The following MYOF variants were observed in gnomAD, a reference collection of about 807,000 sequenced individuals.
MYOF encodes the protein myoferlin.
MYOF carries 244 observed loss-of-function variants against 284.2 expected under a neutral mutation model. The ratio of observed to expected loss-of-function variants is 0.86; its 90% CI spans 0.77 to 0.95. The LOEUF is 0.95. Among genes scored for constraint, MYOF ranks in the 40% least tolerant of loss-of-function variants. MYOF has a pLI of 0.00. For missense variants in MYOF, 2,496 were observed against 2,560.6 expected, an observed-to-expected ratio of 0.97 and a Z score of 0.54; for synonymous variants, 904 against 919.7, an observed-to-expected ratio of 0.98 and a Z score of 0.31.
At chr10:93,335,778 T>C in intron 41 of MYOF, 143 bp downstream of exon 41, 2 of 1,023,104 alleles carry the variant, frequency 2.0e-6, no homozygotes, top group Non-Finnish European at 1.4e-6. Context: ...GGTTGTCCTT[T>C]ATCCTAGGCC....
At chr10:93,415,648 A>C (rs1848085662) in intron 5 of MYOF, among the ~76,000 whole-genome samples, 1 of 152,064 alleles carries the variant, frequency 6.6e-6, no homozygotes, top group South Asian at 2.1e-4. Context: ...TCAATCATCT[A>C]CCTGTATCTG....
Position 93,469,503 on chromosome 10 carries a change from C to A in MYOF, c.89-12566G>T, listed in dbSNP as rs1200241793. Among the ~76,000 whole-genome samples, 3 of 152,312 alleles carry A rather than the reference C, an allele frequency of 2.0e-5. No individual in the cohort carries two copies. In the East Asian group the frequency reaches 5.8e-4, roughly 29 times the overall value. The stretch of plus-strand genomic sequence containing the variant: ...GGAAGCCATCATAATGTGTCCAACA[C>A]CCTAGGGCAAACAAGAGGGAATTTG... On this transcript the variant is annotated intron_variant, in intron 1 of 53. Transcript: ENST00000359263.
chr10:93,356,797 C>T lies in MYOF; in HGVS notation c.3172G>A (p.Gly1058Ser). Residue 1058 changes from glycine to serine, a missense_variant, in exon 30 of 54, where the codon GGC (glycine) becomes AGC (serine). By Grantham distance (56) the Gly-to-Ser change is moderately conservative. Transcript: ENST00000359263. ...QEGWEYASLI[G>S]WKFHWKQRSS... ...CGTTGTTTCCAGTGAAATTTCCAGCCAATTAGAGAAGCATATTCCCAGCCC... is the reference window on the plus strand; with the variant it reads ...CGTTGTTTCCAGTGAAATTTCCAGCTAATTAGAGAAGCATATTCCCAGCCC... 2 of 1,614,096 alleles carry T rather than the reference C, an allele frequency of 1.2e-6. No homozygotes were observed. The highest frequency in any genetic ancestry group is 1.7e-6 in the Non-Finnish European group (2 of 1,180,016).
chr10:93,338,005 A>G (rs1213838754), intron 39 of MYOF, 92 bp from the exon 40 acceptor site: 8 of 917,104 alleles, frequency 8.7e-6, no homozygotes, highest in Non-Finnish European at 1.4e-5. Context: ...AAGAAGAAAT[A>G]GGTTCTTCTG....
intron 38 of MYOF, among the ~76,000 whole-genome samples, chr10:93,341,310 T>C (rs1043502108): frequency 6.6e-6 from 1 of 152,032 alleles, no homozygotes; most frequent in African/African-American, 2.4e-5. Context: ...AGTTTTGCTC[T>C]TGTTGCTCAG....
intron 37 of MYOF, among the ~76,000 whole-genome samples, chr10:93,345,877 G>A (rs981672711): frequency 6.6e-6 from 1 of 152,148 alleles, no homozygotes; most frequent in Admixed American, 6.5e-5. Context: ...GCTAGCCAGG[G>A]CAGTCTGCCT....
At chr10:93,465,380 C>T (rs2056978406) in intron 1 of MYOF, among the ~76,000 whole-genome samples, 1 of 152,042 alleles carries the variant, frequency 6.6e-6, no homozygotes, top group African/African-American at 2.4e-5. Flanking sequence ...TTCATAAGTT[C>T]ATATAAGTGT....
intron 4 of MYOF, among the ~76,000 whole-genome samples, chr10:93,428,073 G>A (rs919421532): frequency 2.4e-4 from 37 of 151,890 alleles, no homozygotes; most frequent in Admixed American, 6.6e-4. Flanking sequence ...AATAAGGATG[G>A]CACACACGTA....
Position 93,313,290 on chromosome 10 carries a change from T to C in MYOF, c.5699-80A>G, listed in dbSNP as rs572895920. 2.5e-5 allele frequency: 34 copies of C among 1,334,192 alleles called. No individual in the cohort carries two copies. In the Middle Eastern group the frequency reaches 9.6e-4, roughly 38 times the overall value. The allele number at this position is 1,334,192 out of a possible 1,614,324, so 82.6% of individuals were successfully genotyped here. ...TTCACAAGTGAACAGAACGTTCTTA[T>C]CAGGAGAGAGGCACACAGTGATTTT... On this transcript the variant is annotated intron_variant, in intron 50 of 53. Transcript: ENST00000359263.
At chr10:93,405,948 T>A (rs775979861) in intron 7 of MYOF, among the ~76,000 whole-genome samples, 1 of 150,554 alleles carries the variant, frequency 6.6e-6, no homozygotes, top group Non-Finnish European at 1.5e-5. Flanking sequence ...CAGCCACCCA[T>A]CACCATGCCA....
intron 5 of MYOF, among the ~76,000 whole-genome samples, chr10:93,420,418 G>T (rs190844973): frequency 1.3e-5 from 2 of 152,260 alleles, no homozygotes; most frequent in East Asian, 3.9e-4. Context: ...TTCCAGGGGG[G>T]TCAGTGAAAA....
At position 93,402,287 on chromosome 10, in the gene MYOF, G is replaced by T. The variant is rs1207887277; in HGVS notation, c.935C>A (p.Ser312Tyr). Residue 312 changes from serine to tyrosine, a missense_variant, in exon 11 of 54, where the codon TCT becomes TAT. By Grantham distance (144) the Ser-to-Tyr change is moderately radical (BLOSUM62 -2). This residue lies in a region of MYOF where 2,436 missense variants were observed against 2,480.7 expected (regional missense o/e 0.98). Coordinates refer to ENST00000359263, the MANE Select transcript of MYOF (RefSeq NM_013451.4). The stretch of plus-strand genomic sequence containing the variant: ...CATGCTGACTTTCATATAACCTTTA[G>T]AACCTGAACTGGTATCTTCCGGGTC... The part of the protein sequence containing the change: ...LNDPEDTSSG[S>Y]KGYMKVSMFV... 2.5e-6 allele frequency: 4 copies of T among 1,614,068 alleles called. No homozygotes were observed. The highest frequency in any genetic ancestry group is 3.3e-5 in the Admixed American group (2 of 60,020).
intron 3 of MYOF, among the ~76,000 whole-genome samples, chr10:93,449,971 G>A: frequency 6.6e-6 from 1 of 152,032 alleles, no homozygotes. Context: ...CCCAATAACT[G>A]GAGTGACCAT....
intron 3 of MYOF, among the ~76,000 whole-genome samples, chr10:93,443,154 C>G (rs1320190849): frequency 2.0e-5 from 3 of 151,352 alleles, no homozygotes; most frequent in Non-Finnish European, 4.4e-5. Context: ...GAGTGAGACT[C>G]TGTCTCACAA....
At chr10:93,369,903 A>C (rs780013933) in intron 24 of MYOF, 127 bp from the exon 25 acceptor site, 22 of 1,201,816 alleles carry the variant, frequency 1.8e-5, no homozygotes, top group Non-Finnish European at 2.5e-5. Flanking sequence ...TGTTTGCTTC[A>C]GTTAAAACAT....
Position 93,397,374 on chromosome 10 carries a change from AAAT to A in MYOF, c.1290+11_1290+13del. On this transcript the variant is annotated intron_variant, in intron 14 of 53. Coordinates refer to ENST00000359263, the MANE Select transcript of MYOF (RefSeq NM_013451.4). ...AAGTATTCTTACTTTTTCAGAAAGA[AAAT>A]AAAGTCAAACCTTGATCTGAAGATT... The A allele has an allele frequency of 6.2e-7, 1 of 1,606,788 alleles. No individual in the cohort carries two copies. The highest frequency in any genetic ancestry group is 8.5e-7 in the Non-Finnish European group (1 of 1,177,184).
At chr10:93,450,433 G>A (rs2056558541) in intron 3 of MYOF, among the ~76,000 whole-genome samples, 1 of 151,540 alleles carries the variant, frequency 6.6e-6, no homozygotes, top group Non-Finnish European at 1.5e-5. Context: ...AATTAGCCAG[G>A]TGGAGAGGTG....
chr10:93,356,822 C>T lies in MYOF; in HGVS notation c.3147G>A (p.Glu1049=), dbSNP rs771365080. ...ARAMEELQDQ[E]GWEYASLIGW... is the part of the protein sequence containing the mutation. The stretch of plus-strand genomic sequence containing the variant: ...CAATTAGAGAAGCATATTCCCAGCC[C>T]TCTTGGTCTTGCAATTCCTCCATGG... The change falls in exon 30 of 54, where the codon GAG becomes GAA. Residue 1049 remains glutamate (E), a synonymous_variant. Transcript: ENST00000359263. The T allele has an allele frequency of 1.9e-6, 3 of 1,613,292 alleles. No individual in the cohort carries two copies. The highest frequency in any genetic ancestry group is 1.7e-5 in the Admixed American group (1 of 59,820).
chr10:93,466,225 C>T (rs1222582384), intron 1 of MYOF, among the ~76,000 whole-genome samples: 3 of 152,200 alleles, frequency 2.0e-5, no homozygotes, highest in Non-Finnish European at 4.4e-5. Flanking sequence ...CCAACCTTGG[C>T]TGCCCTATCG....
Sources: gnomAD v4.1 joint callset for allele counts (sites outside exome capture counted in the v4.1 genomes callset) on GRCh38, gnomAD v4.1.1 for gene constraint, gnomAD v4.1.1 regional missense constraint, MANE v1.5 for transcripts, NCBI Gene and HGNC (gene_info 2026-07-23, HGNC 2026-07-21) for gene names.